Variants in SCAI observed in about 807,000 individuals in gnomAD.
The protein encoded by SCAI is suppressor of cancer cell invasion.
Under a neutral mutation model 92.2 loss-of-function variants are expected in SCAI, and 24 were observed. The ratio of observed to expected loss-of-function variants is 0.26; its 90% confidence interval spans 0.19 to 0.37. The LOEUF is 0.37. Among genes scored for constraint, SCAI ranks in the 10% least tolerant of loss-of-function variants. The pLI is 1.00. For missense variants in SCAI, 450 were observed against 736.2 expected (o/e 0.61, Z 4.50); for synonymous variants, 261 against 258.6 (o/e 1.01, Z -0.09).
intron 2 of SCAI, among the ~76,000 whole-genome samples, chr9:125,081,423 C>T (rs986658987): frequency 6.6e-6 from 1 of 152,194 alleles, no homozygotes; most frequent in Admixed American, 6.5e-5. Context: ...CTTGTTATGT[C>T]TTAGCAAAGA....
At chr9:125,122,004 C>T (rs1281656588) in intron 2 of SCAI, among the ~76,000 whole-genome samples, 2 of 152,078 alleles carry the variant, frequency 1.3e-5, no homozygotes, top group East Asian at 3.9e-4. Flanking sequence ...TGTATTTTGT[C>T]ACAAGGGCAT....
chr9:124,989,689 G>A (rs532933193), intron 14 of SCAI, among the ~76,000 whole-genome samples: 8 of 151,302 alleles, frequency 5.3e-5, no homozygotes, highest in African/African-American at 1.9e-4. Flanking sequence ...TTTGAGACCA[G>A]CCAGACCAAC....
chr9:125,098,568 T>C (rs1246566203), intron 2 of SCAI, among the ~76,000 whole-genome samples: 1 of 152,210 alleles, frequency 6.6e-6, no homozygotes, highest in African/African-American at 2.4e-5. Context: ...CTGTTCAATG[T>C]TACATATCGA....
intron 2 of SCAI, among the ~76,000 whole-genome samples, chr9:125,092,340 T>C (rs1284248657): frequency 2.0e-5 from 3 of 146,796 alleles, no homozygotes; most frequent in Non-Finnish European, 4.5e-5. Flanking sequence ...ATGGTGCCAG[T>C]TACTTGGGAG....
intron 2 of SCAI, among the ~76,000 whole-genome samples, chr9:125,131,571 C>T (rs1479578021): frequency 1.3e-5 from 2 of 152,110 alleles, no homozygotes; most frequent in African/African-American, 4.8e-5. Context: ...TTTGAATGCC[C>T]TTGAAAATCA....
At chr9:125,079,426 GAA>G (rs938496960) in intron 2 of SCAI, among the ~76,000 whole-genome samples, 1 of 152,140 alleles carries the variant, frequency 6.6e-6, no homozygotes, top group Admixed American at 6.6e-5. Context: ...GCGTATAATT[GAA>G]AAGGCTCCTC....
chr9:125,060,097 G>GA (rs1446555319), intron 2 of SCAI, among the ~76,000 whole-genome samples: 1 of 152,094 alleles, frequency 6.6e-6, no homozygotes, highest in Non-Finnish European at 1.5e-5. Flanking sequence ...ACAATTATTT[G>GA]TTTTTTGAAA....
At chr9:125,035,366 AAATG>A (rs1249524370) in intron 3 of SCAI, among the ~76,000 whole-genome samples, 4 of 152,138 alleles carry the variant, frequency 2.6e-5, no homozygotes, top group East Asian at 1.9e-4. Flanking sequence ...AAAAAAGAAA[AAATG>A]AAAGAAACAA....
At chr9:125,095,468 A>G (rs1217591482) in intron 2 of SCAI, among the ~76,000 whole-genome samples, 12 of 152,374 alleles carry the variant, frequency 7.9e-5, no homozygotes, top group African/African-American at 2.2e-4. Context: ...ACAGAAAATG[A>G]ACATCCCTAT....
At chr9:125,042,157 C>T (rs1461895926) in intron 3 of SCAI, among the ~76,000 whole-genome samples, 1 of 152,140 alleles carries the variant, frequency 6.6e-6, no homozygotes, top group Non-Finnish European at 1.5e-5. Context: ...TTTGCAAAGG[C>T]AGCTATGTTA....
intron 17 of SCAI, among the ~76,000 whole-genome samples, chr9:124,967,089 A>C (rs138374914): frequency 6.6e-6 from 1 of 152,180 alleles, no homozygotes; most frequent in Admixed American, 6.5e-5. Context: ...TTGTTGCTTC[A>C]TGTATAAAGT....
chr9:124,949,068 G>GT lies in SCAI; in HGVS notation c.*3738dup, dbSNP rs1234557540. The GT allele has an allele frequency of 6.6e-6, 1 of 152,266 alleles. No homozygotes were observed. The highest frequency in any genetic ancestry group is 2.4e-5 in the African/African-American group (1 of 41,464). The allele number at this position is 152,266 out of a possible 1,614,324, so 9.4% of individuals were successfully genotyped here. ...AGGTACAAGGAGGATTTATTAAACT[G>GT]TATGTTTAGGCTGGGCGTGGTGGCT... On this transcript the variant is annotated 3_prime_UTR_variant, in exon 18 of 18. Coordinates refer to ENST00000336505, the MANE Select transcript of SCAI (RefSeq NM_001144877.3). The surrounding 1 kb of genome is among the most constrained non-coding windows in gnomAD (Gnocchi z 4.0).
chr9:124,994,816 A>G (rs566897420), intron 14 of SCAI, 118 bp downstream of exon 14: 1 of 591,496 alleles, frequency 1.7e-6, no homozygotes, highest in South Asian at 2.8e-5. Flanking sequence ...GAAACACTAA[A>G]TACAAACTGT....
chr9:125,051,961 T>G (rs1013781899), intron 3 of SCAI, among the ~76,000 whole-genome samples: 4 of 151,916 alleles, frequency 2.6e-5, no homozygotes, highest in Admixed American at 2.0e-4. Context: ...GCAGGAGAAC[T>G]GCTTGAACCC....
intron 14 of SCAI, among the ~76,000 whole-genome samples, chr9:124,982,346 C>T (rs1243682946): frequency 6.6e-6 from 1 of 151,934 alleles, no homozygotes; most frequent in Admixed American, 6.6e-5. Flanking sequence ...TTTTTCATTG[C>T]CCTAAATTGT....
chr9:125,008,155 TTC>T (rs1832553702), intron 9 of SCAI, among the ~76,000 whole-genome samples: 1 of 151,656 alleles, frequency 6.6e-6, no homozygotes, highest in African/African-American at 2.4e-5. Context: ...CTTTATTTTT[TTC>T]TTTTTGAGAC....
intron 7 of SCAI, among the ~76,000 whole-genome samples, 156 bp downstream of exon 7, chr9:125,020,517 A>G (rs1010445746): frequency 6.6e-6 from 1 of 152,150 alleles, no homozygotes; most frequent in Non-Finnish European, 1.5e-5. Context: ...GAGTTGGAAA[A>G]TTTTTTTATC....
chr9:125,071,694 T>C (rs1446163880), intron 2 of SCAI, among the ~76,000 whole-genome samples: 1 of 151,394 alleles, frequency 6.6e-6, no homozygotes, highest in Non-Finnish European at 1.5e-5. Flanking sequence ...AACTGAGACA[T>C]AGCACAACCT....
At chr9:125,077,472 A>T (rs571603629) in intron 2 of SCAI, among the ~76,000 whole-genome samples, 50 of 152,296 alleles carry the variant, frequency 3.3e-4, no homozygotes, top group Middle Eastern at 6.8e-3. Context: ...ACCTCCTAGT[A>T]GAATTGCTGG....
Sources: allele counts gnomAD v4.1 joint callset (sites outside exome capture counted in the v4.1 genomes callset), GRCh38; gene constraint gnomAD v4.1.1; non-coding constraint Gnocchi (gnomAD v3.1); transcripts MANE v1.5; gene names NCBI Gene and HGNC (gene_info 2026-07-23, HGNC 2026-07-21).